Variants in GPHN observed in about 807,000 individuals in gnomAD.
GPHN encodes gephyrin.
A neutral mutation model predicts 95.5 loss-of-function variants in GPHN; 17 were observed. The observed-to-expected ratio is 0.18, with a 90% confidence interval of 0.12 to 0.27. The LOEUF is 0.27. GPHN is among the 10% of genes least tolerant of loss of function. The pLI, the probability that GPHN is intolerant of heterozygous loss-of-function variation, is 1.00. For missense variants in GPHN, 660 were observed against 978.1 expected (o/e 0.67, Z 4.34); for synonymous variants, 320 against 322.5 (o/e 0.99, Z 0.08).
At chr14:67,049,035 T>C (rs2075168993) in intron 10 of GPHN, among the ~76,000 whole-genome samples, 1 of 152,318 alleles carries the variant, frequency 6.6e-6, no homozygotes, top group Middle Eastern at 3.4e-3. Flanking sequence ...TGTTTCTGCC[T>C]AAAGGGGTTT....
chr14:67,625,729 G>GA, the GPHN span, among the ~76,000 whole-genome samples: 3 of 109,188 alleles, frequency 2.7e-5, no homozygotes, highest in African/African-American at 3.9e-5. Flanking sequence ...TCAATGTAAT[G>GA]AAAAACCAAA....
the GPHN span, among the ~76,000 whole-genome samples, chr14:67,646,254 G>T: frequency 1.3e-5 from 2 of 152,190 alleles, no homozygotes; most frequent in Non-Finnish European, 2.9e-5. Context: ...TATTCATTGG[G>T]CGGAAGTCCT....
chr14:67,120,020 G>A (rs1222598803), intron 16 of GPHN, among the ~76,000 whole-genome samples: 1 of 151,902 alleles, frequency 6.6e-6, no homozygotes, highest in African/African-American at 2.4e-5. Flanking sequence ...GTCCCAGATA[G>A]GAAGCTGTGG....
chr14:66,953,373 T>C (rs1242487389), intron 8 of GPHN, among the ~76,000 whole-genome samples: 1 of 152,102 alleles, frequency 6.6e-6, no homozygotes, highest in African/African-American at 2.4e-5. Flanking sequence ...CTTGTACTTT[T>C]GGTGTCATAT....
intron 2 of GPHN, among the ~76,000 whole-genome samples, chr14:66,732,470 C>T (rs552097810): frequency 1.8e-4 from 28 of 152,334 alleles, no homozygotes; most frequent in South Asian, 1.2e-3. Flanking sequence ...CATTTAGAAT[C>T]GGTGTAGTTA....
chr14:66,654,788 A>G (rs908781864), intron 1 of GPHN, among the ~76,000 whole-genome samples: 2 of 152,102 alleles, frequency 1.3e-5, no homozygotes, highest in Non-Finnish European at 2.9e-5. Flanking sequence ...TTTACACTTC[A>G]TATTTAAGTA....
At chr14:67,016,534 T>C (rs2073323511) in intron 9 of GPHN, among the ~76,000 whole-genome samples, 1 of 152,092 alleles carries the variant, frequency 6.6e-6, no homozygotes, top group South Asian at 2.1e-4. Flanking sequence ...ATATAAAGAT[T>C]GTAATTTCAT....
Position 67,088,882 on chromosome 14 carries a change from A to G in GPHN, c.1145-101A>G, listed in dbSNP as rs148508540. The G allele has an allele frequency of 8.1e-6, 6 of 739,560 alleles. No homozygotes were observed. The African/African-American group carries it at 8.5e-5, about 11-fold the overall frequency. The allele number at this position is 739,560 out of a possible 1,614,324, so 45.8% of individuals were successfully genotyped here. A position where few individuals can be genotyped will look rare whatever the true frequency, so the allele number is the denominator to read the frequency against. On this transcript the variant is annotated intron_variant, in intron 11 of 22. Coordinates refer to ENST00000478722, the MANE Select transcript of GPHN (RefSeq NM_020806.5). ...TCAGGAGTTCTGACTGAGCCCATTT[A>G]CAAGCTGTGTCAGACAAGCACTCAT...
intron 8 of GPHN, among the ~76,000 whole-genome samples, chr14:66,943,970 C>A (rs955062053): frequency 5.3e-5 from 8 of 152,120 alleles, no homozygotes; most frequent in African/African-American, 1.9e-4. Flanking sequence ...AAATAGAGGT[C>A]TTTCCCCTTC....
At chr14:67,594,210 G>A in the GPHN span, among the ~76,000 whole-genome samples, 3 of 152,180 alleles carry the variant, frequency 2.0e-5, no homozygotes, top group African/African-American at 4.8e-5. Flanking sequence ...TCAGCTGAAC[G>A]CAGTAGCTTG....
chr14:66,944,907 G>A (rs1050541697), intron 8 of GPHN, among the ~76,000 whole-genome samples: 1 of 152,262 alleles, frequency 6.6e-6, no homozygotes, highest in Non-Finnish European at 1.5e-5. Flanking sequence ...AGGAGTGCAG[G>A]AGCTGCCATT....
the GPHN span, among the ~76,000 whole-genome samples, chr14:67,275,867 G>C: frequency 2.0e-5 from 3 of 152,132 alleles, no homozygotes; most frequent in African/African-American, 7.2e-5. Flanking sequence ...ATGTGTCCAG[G>C]AATTTATCCA....
At chr14:67,695,617 C>A in the GPHN span, 2 of 1,612,060 alleles carry the variant, frequency 1.2e-6, no homozygotes, top group Non-Finnish European at 1.7e-6. Flanking sequence ...GAAGGCAATA[C>A]ATTTGCACAG....
intron 12 of GPHN, among the ~76,000 whole-genome samples, chr14:67,089,827 C>A (rs957577418): frequency 3.9e-5 from 6 of 152,112 alleles, no homozygotes; most frequent in African/African-American, 1.4e-4. Flanking sequence ...AGCTTAAAAG[C>A]AAATACTAAA....
intron 1 of GPHN, among the ~76,000 whole-genome samples, chr14:66,586,951 A>T (rs1313445412): frequency 6.6e-6 from 1 of 152,196 alleles, no homozygotes; most frequent in Non-Finnish European, 1.5e-5. Flanking sequence ...GGAAAGATGA[A>T]CAAAACAGAA....
At chr14:67,713,397 C>CAT in the GPHN span, among the ~76,000 whole-genome samples, 3 of 47,630 alleles carry the variant, frequency 6.3e-5, no homozygotes, top group African/African-American at 2.2e-4. Flanking sequence ...AGTAAAACTC[C>CAT]AAAAAAAAAA....
chr14:66,651,073 CAGGAGTG>C (rs2065017569), intron 1 of GPHN, among the ~76,000 whole-genome samples: 1 of 152,156 alleles, frequency 6.6e-6, no homozygotes. Context: ...CTCTAATACA[CAGGAGTG>C]AGATGGTTTT....
At chr14:67,582,347 A>G in the GPHN span, 4 of 1,459,904 alleles carry the variant, frequency 2.7e-6, no homozygotes, top group Non-Finnish European at 3.7e-6. The surrounding 1 kb of genome is among the most constrained non-coding windows in gnomAD (Gnocchi z 5.0). Flanking sequence ...CTGGGATGGA[A>G]AGCAGCTGAC....
the GPHN span, chr14:67,651,424 C>T: frequency 6.2e-7 from 1 of 1,614,012 alleles, no homozygotes; most frequent in Non-Finnish European, 8.5e-7. Flanking sequence ...CCAGGCCTCC[C>T]AGGATGGCGA....
Sources: gnomAD v4.1 joint callset for allele counts (sites outside exome capture counted in the v4.1 genomes callset) on GRCh38, gnomAD v4.1.1 for gene constraint, Gnocchi (gnomAD v3.1) non-coding constraint, MANE v1.5 for transcripts, NCBI Gene and HGNC (gene_info 2026-07-23, HGNC 2026-07-21) for gene names.